CRTC3: variants seen among roughly 807,000 people sequenced by gnomAD.
CRTC3 encodes CREB regulated transcription coactivator 3, also known as CREB-regulated transcription coactivator 3.
A neutral mutation model predicts 74.5 loss-of-function variants in CRTC3; 26 were observed. The observed-to-expected ratio is 0.35, with a 90% CI of 0.26 to 0.48. CRTC3 has a LOEUF of 0.48. Among genes scored for constraint, CRTC3 ranks in the 20% least tolerant of loss-of-function variants. CRTC3 has a pLI of 0.99. For missense variants in CRTC3, 760 were observed against 787.3 expected (o/e 0.97, Z 0.41); for synonymous variants, 377 against 325.8 (o/e 1.16, Z -1.69).
At chr15:90,597,103 TGG>T (rs1236697290) in intron 3 of CRTC3, among the ~76,000 whole-genome samples, 1 of 152,202 alleles carries the variant, frequency 6.6e-6, no homozygotes, top group African/African-American at 2.4e-5. Flanking sequence ...CAGCTGCAGC[TGG>T]GCCCTGGCCT....
At chr15:90,622,215 G>A (rs1968675196) in intron 9 of CRTC3, among the ~76,000 whole-genome samples, 1 of 152,048 alleles carries the variant, frequency 6.6e-6, no homozygotes, top group South Asian at 2.1e-4. Flanking sequence ...GAACCGGGGG[G>A]CGCATTACTT....
intron 6 of CRTC3, among the ~76,000 whole-genome samples, chr15:90,610,006 C>T (rs1968320729): frequency 6.6e-6 from 1 of 152,146 alleles, no homozygotes; most frequent in Non-Finnish European, 1.5e-5. Context: ...TATAGCAGAA[C>T]TCAGAAACAC....
chr15:90,593,355 A>T (rs1010187947), intron 2 of CRTC3, among the ~76,000 whole-genome samples: 2 of 152,176 alleles, frequency 1.3e-5, no homozygotes, highest in African/African-American at 4.8e-5. Context: ...TTAGTATATG[A>T]GTTCACCGTC....
intron 2 of CRTC3, among the ~76,000 whole-genome samples, chr15:90,540,650 G>A (rs1725414593): frequency 6.6e-6 from 1 of 152,092 alleles, no homozygotes; most frequent in Non-Finnish European, 1.5e-5. Context: ...GCTCACAGCT[G>A]TAGTCCCAGC....
intron 2 of CRTC3, among the ~76,000 whole-genome samples, chr15:90,574,328 A>G (rs1399649443): frequency 6.6e-6 from 1 of 152,090 alleles, no homozygotes; most frequent in Admixed American, 6.5e-5. Flanking sequence ...AATACAAAAA[A>G]TTAGCTGGGT....
At chr15:90,536,860 C>G (rs1448985801) in intron 1 of CRTC3, among the ~76,000 whole-genome samples, 1 of 152,224 alleles carries the variant, frequency 6.6e-6, no homozygotes, top group Non-Finnish European at 1.5e-5. Flanking sequence ...GTGGCCTCTT[C>G]TCAGCTTCAT....
chr15:90,599,079 G>A (rs1452908255), intron 3 of CRTC3: 4 of 152,872 alleles, frequency 2.6e-5, no homozygotes, highest in Admixed American at 6.5e-5. Context: ...GCAAAGGGGC[G>A]GAAAGGAGTG....
intron 2 of CRTC3, among the ~76,000 whole-genome samples, chr15:90,550,233 A>G (rs969149427): frequency 1.3e-4 from 19 of 151,546 alleles, no homozygotes; most frequent in Admixed American, 1.0e-3. Context: ...GTTCGAGACC[A>G]ACCTGACCAA....
chr15:90,559,311 G>A (rs1056562328), intron 2 of CRTC3, among the ~76,000 whole-genome samples: 4 of 152,124 alleles, frequency 2.6e-5, no homozygotes, highest in Admixed American at 1.3e-4. Context: ...CCATTTTACA[G>A]ATGAGAAAAC....
chr15:90,588,337 G>C (rs1476407200), intron 2 of CRTC3, among the ~76,000 whole-genome samples: 1 of 151,356 alleles, frequency 6.6e-6, no homozygotes, highest in Non-Finnish European at 1.5e-5. Flanking sequence ...ATATTAGCCA[G>C]CTTTGCTTTA....
intron 2 of CRTC3, among the ~76,000 whole-genome samples, chr15:90,546,355 T>C (rs1966844286): frequency 6.6e-6 from 1 of 152,200 alleles, no homozygotes; most frequent in African/African-American, 2.4e-5. Context: ...ACCATATACA[T>C]GTGGGTCTAT....
intron 11 of CRTC3, among the ~76,000 whole-genome samples, chr15:90,630,619 AAAG>A (rs1392487564): frequency 2.0e-5 from 3 of 152,190 alleles, no homozygotes; most frequent in Non-Finnish European, 4.4e-5. Flanking sequence ...TCTCAAAAGA[AAAG>A]AAAAGCCCAT....
intron 3 of CRTC3, chr15:90,600,624 C>T (rs908305415): frequency 5.9e-5 from 9 of 152,126 alleles, no homozygotes; most frequent in African/African-American, 1.2e-4. Flanking sequence ...TCAGTTTCTT[C>T]AGCTATAAAA....
rs2151100576 is a variant in CRTC3 at position 90,643,283 on chromosome 15, A to C, written c.*1143A>C. The C allele has an allele frequency of 4.3e-6, 1 of 232,134 alleles. No individual in the cohort carries two copies. Among genetic ancestry groups the C allele is most frequent in the South Asian group, 1.8e-4 (1 of 5,518 alleles). The allele number at this position is 232,134 out of a possible 1,614,324, so 14.4% of individuals were successfully genotyped here. On this transcript the variant is annotated 3_prime_UTR_variant, in exon 15 of 15. Coordinates refer to ENST00000268184, the MANE Select transcript of CRTC3 (RefSeq NM_022769.5). Reference sequence around the variant, plus strand: ...CTGTAGCTATCCCCTTCCCTGCCAGATCTTCTCAGAGCTTTAGCTTTTCTA... The same window carrying C: ...CTGTAGCTATCCCCTTCCCTGCCAGCTCTTCTCAGAGCTTTAGCTTTTCTA...
At chr15:90,545,333 G>A (rs1596072767) in intron 2 of CRTC3, among the ~76,000 whole-genome samples, 1 of 151,892 alleles carries the variant, frequency 6.6e-6, no homozygotes, top group African/African-American at 2.4e-5. Flanking sequence ...TCAAGGCTCT[G>A]CTTTCCATTC....
At chr15:90,595,866 A>G (rs16944613) in intron 3 of CRTC3, 101,744 of 152,116 alleles carry the variant, frequency 0.67, 35,318 homozygotes, top group Non-Finnish European at 0.77. Context: ...AATTCACTGT[A>G]ACAGTAAACA....
chr15:90,540,705 G>A lies in CRTC3; in HGVS notation c.231+568G>A, dbSNP rs923657053. The stretch of plus-strand genomic sequence containing the variant: ...TGAGAATCGCTTGAACCCAGGAGGC[G>A]GAGGGTGCAGTGAGCAGAGATCATA... On this transcript the variant is annotated intron_variant, in intron 2 of 14. Transcript: ENST00000268184. Among the ~76,000 whole-genome samples the A allele has an allele frequency of 2.6e-5, 4 of 152,050 alleles. No individual in the cohort carries two copies. In the South Asian group the frequency reaches 6.2e-4, roughly 24 times the overall value.
chr15:90,624,078 G>C (rs1055239332), intron 9 of CRTC3, among the ~76,000 whole-genome samples: 11 of 152,104 alleles, frequency 7.2e-5, no homozygotes, highest in Non-Finnish European at 1.0e-4. Flanking sequence ...TATGTTGCCG[G>C]TTATGCTCCT....
intron 2 of CRTC3, among the ~76,000 whole-genome samples, chr15:90,570,394 A>C (rs1967235189): frequency 6.6e-6 from 1 of 152,004 alleles, no homozygotes; most frequent in Non-Finnish European, 1.5e-5. Context: ...CAAATTCTTG[A>C]GTTTCTCTTT....
Sources: allele counts gnomAD v4.1 joint callset (sites outside exome capture counted in the v4.1 genomes callset), GRCh38; gene constraint gnomAD v4.1.1; transcripts MANE v1.5; gene names NCBI Gene and HGNC (gene_info 2026-07-23, HGNC 2026-07-21).